TG: variants seen among roughly 807,000 people sequenced by gnomAD.
TG encodes thyroglobulin, also known as thyroid hormones.
In TG, 270 loss-of-function variants were observed where a neutral mutation model predicts 324.7. The observed-to-expected ratio is 0.83, with a 90% confidence interval of 0.75 to 0.92. TG has a LOEUF of 0.92. Among genes scored for constraint, TG ranks in the 40% least tolerant of loss-of-function variants. The pLI is 0.00. For synonymous variants in TG, 1,401 were observed against 1,327.0 expected, an observed-to-expected ratio of 1.06 and a Z score of -1.21; for missense variants, 3,591 against 3,456.4, an observed-to-expected ratio of 1.04 and a Z score of -0.98.
intron 41 of TG, chr8:133,060,477 A>G (rs1033271363): frequency 1.0e-5 from 10 of 990,396 alleles, no homozygotes; most frequent in Non-Finnish European, 1.4e-5. Flanking sequence ...CTTGCTGAGG[A>G]TGGTAAGCAG....
chr8:133,078,266 C>T (rs981007774), intron 41 of TG, among the ~76,000 whole-genome samples: 2 of 152,156 alleles, frequency 1.3e-5, no homozygotes, highest in African/African-American at 4.8e-5. Flanking sequence ...CTGTGAGCTG[C>T]ATCTTAAAGG....
At chr8:133,082,894 G>A (rs1055012547) in intron 41 of TG, among the ~76,000 whole-genome samples, 39 of 152,066 alleles carry the variant, frequency 2.6e-4, no homozygotes, top group Admixed American at 9.2e-4. Flanking sequence ...AAGCAAACTC[G>A]AAACTAGCCT....
At chr8:132,927,875 T>A (rs949086132) in intron 22 of TG, among the ~76,000 whole-genome samples, 17 of 152,198 alleles carry the variant, frequency 1.1e-4, no homozygotes, top group African/African-American at 1.2e-4. Flanking sequence ...TCTCTACAAA[T>A]GAGCTACTAA....
intron 41 of TG, among the ~76,000 whole-genome samples, chr8:133,083,353 A>G (rs1009588572): frequency 6.6e-6 from 1 of 152,106 alleles, no homozygotes; most frequent in African/African-American, 2.4e-5. Context: ...AACTTGAAAC[A>G]TGTATGCACT....
chr8:132,876,912 G>C (rs1299555126), intron 5 of TG, among the ~76,000 whole-genome samples: 1 of 152,214 alleles, frequency 6.6e-6, no homozygotes, highest in African/African-American at 2.4e-5. Flanking sequence ...TTAGCAACCA[G>C]TCTAACTTCA....
At chr8:133,060,435 G>A in intron 41 of TG, 1 of 1,418,166 alleles carries the variant, frequency 7.1e-7, no homozygotes. Flanking sequence ...AGCAAATGCT[G>A]TTGGTGGCAA....
At chr8:133,065,198 C>CA (rs1369307786) in intron 41 of TG, among the ~76,000 whole-genome samples, 1 of 152,224 alleles carries the variant, frequency 6.6e-6, no homozygotes, top group East Asian at 1.9e-4. Flanking sequence ...CACAATTGGT[C>CA]AGCAAGCATC....
Position 133,087,467 on chromosome 8 carries a change from C to G in TG, c.7240-7577C>G, listed in dbSNP as rs1846777682. 2.0e-5 allele frequency among the ~76,000 whole-genome samples: 3 copies of G among 152,304 alleles called. No individual in the cohort carries two copies. In the South Asian group the frequency reaches 6.2e-4, roughly 32 times the overall value. On this transcript the variant is annotated intron_variant, in intron 41 of 47. Coordinates refer to ENST00000220616, the MANE Select transcript of TG (RefSeq NM_003235.5). ...GTGAGGGGACTCATTTCTCTCCCACCTCTTATTGTCCCTGCAAAGGTTTTC... is the reference window on the plus strand; with the variant it reads ...GTGAGGGGACTCATTTCTCTCCCACGTCTTATTGTCCCTGCAAAGGTTTTC...
chr8:132,940,963 AG>A (rs958209120), intron 25 of TG, among the ~76,000 whole-genome samples: 5 of 152,264 alleles, frequency 3.3e-5, no homozygotes, highest in African/African-American at 1.2e-4. Context: ...TAGCAGAGCA[AG>A]GCGGTGAAAA....
At chr8:132,986,653 T>C (rs1193098965) in intron 35 of TG, among the ~76,000 whole-genome samples, 1 of 152,166 alleles carries the variant, frequency 6.6e-6, no homozygotes, top group Admixed American at 6.5e-5. Context: ...TTTATTATTA[T>C]TCATCATTAT....
At chr8:132,956,660 G>C (rs1826919306) in intron 27 of TG, among the ~76,000 whole-genome samples, 1 of 152,166 alleles carries the variant, frequency 6.6e-6, no homozygotes, top group Non-Finnish European at 1.5e-5. Context: ...AGGGCATGAG[G>C]CTGCTCAGCT....
chr8:132,911,461 G>C lies in TG; in HGVS notation c.4087G>C (p.Gly1363Arg). The change falls in exon 19 of 48, where the codon GGA becomes CGA. Residue 1363 changes from glycine (G) to arginine (R), a missense_variant. By Grantham distance (125) the Gly-to-Arg change is moderately radical. Transcript: ENST00000220616. ...GGGTTGTCTGACCAGGGAGCGTTTA[G>C]GAGTGAATGTTACATGGAAATCACG... Reference protein sequence around the residue: ...QVGCLTRERLGVNVTWKSRLE... With the variant: ...QVGCLTRERLRVNVTWKSRLE... The C allele has an allele frequency of 6.2e-7, 1 of 1,614,220 alleles. No homozygotes were observed. Among genetic ancestry groups the C allele is most frequent in the Non-Finnish European group, 8.5e-7 (1 of 1,180,044 alleles).
In TG at chr8:132,897,687, G is replaced by C. The variant is rs114772213; in HGVS notation, c.3040G>C (p.Asp1014His). The C allele has an allele frequency of 2.8e-5, 45 of 1,614,184 alleles. No homozygotes were observed. In the East Asian group the frequency reaches 9.1e-4, roughly 33 times the overall value. Residue 1014 changes from aspartate to histidine, a missense_variant, in exon 12 of 48, where the codon GAC becomes CAC. Asp to His is a moderately conservative substitution (Grantham distance 81). Coordinates refer to ENST00000220616, the MANE Select transcript of TG (RefSeq NM_003235.5). ...FYQRRRFSPDDSAGASALLRS... is the reference protein window; with the variant it reads ...FYQRRRFSPDHSAGASALLRS... ...TCAGAGACGCCGCTTTTCCCCGGAC[G>C]ACTCGGCTGGAGCATCCGCCCTTCT...
rs543268779 is a variant in TG, at chr8:132,915,581, C to T, written c.4378+2316C>T. On this transcript the variant is annotated intron_variant, in intron 20 of 47. Transcript: ENST00000220616. ...TGCATGGGAGACCTTGCCCAGGACA[C>T]ACCTGGGCTGGAACAGGACTCAGCA... 5.1e-4 allele frequency among the ~76,000 whole-genome samples: 77 copies of T among 152,234 alleles called. 1 individual carries two copies. Among genetic ancestry groups the T allele is most frequent in the Middle Eastern group, 3.4e-3 (1 of 294 alleles).
chr8:133,003,680 G>A (rs1457746982), intron 35 of TG, among the ~76,000 whole-genome samples: 1 of 152,170 alleles, frequency 6.6e-6, no homozygotes, highest in Non-Finnish European at 1.5e-5. Flanking sequence ...CCAGAGGCCC[G>A]CCTGTGCAGA....
Position 133,013,848 on chromosome 8 carries a change from G to A in TG, c.6562+84G>A, listed in dbSNP as rs182760839. 3.2e-3 allele frequency: 4,909 copies of A among 1,529,540 alleles called. 33 individuals are homozygous for A. The highest frequency in any genetic ancestry group is 0.016 in the South Asian group (1,390 of 84,632). 94.7% of individuals were successfully genotyped at this position (1,529,540 alleles called of 1,614,324 possible). On this transcript the variant is annotated intron_variant, in intron 37 of 47. Coordinates refer to ENST00000220616, the MANE Select transcript of TG (RefSeq NM_003235.5). ...TATTTAAACACTTGGTGAGTTGGAG[G>A]ACAGTGGCTTTTGTTGGCCAAAGTT...
At chr8:133,052,458 G>A (rs1056315484) in intron 41 of TG, among the ~76,000 whole-genome samples, 1 of 152,186 alleles carries the variant, frequency 6.6e-6, no homozygotes, top group Non-Finnish European at 1.5e-5. Flanking sequence ...AAACAGTCGT[G>A]TCGGGACGTA....
chr8:132,991,050 T>G (rs1832268698), intron 35 of TG, among the ~76,000 whole-genome samples: 1 of 95,024 alleles, frequency 1.1e-5, no homozygotes, highest in Admixed American at 1.1e-4. Context: ...GATGGCCCTT[T>G]AGGGATGCTG....
At chr8:133,119,798 G>A (rs183868836) in intron 45 of TG, among the ~76,000 whole-genome samples, 169 of 152,298 alleles carry the variant, frequency 1.1e-3, no homozygotes, top group Non-Finnish European at 1.9e-3. Flanking sequence ...TAACCCACCC[G>A]CGGCTTCTCT....
Sources: allele counts gnomAD v4.1 joint callset (sites outside exome capture counted in the v4.1 genomes callset), GRCh38; gene constraint gnomAD v4.1.1; transcripts MANE v1.5; gene names NCBI Gene and HGNC (gene_info 2026-07-23, HGNC 2026-07-21).